Variants in NSUN6 observed in about 807,000 individuals in gnomAD.
NSUN6 encodes NOP2/Sun RNA methyltransferase 6, also known as tRNA (cytosine(72)-C(5))-methyltransferase NSUN6.
A neutral mutation model predicts 58.0 loss-of-function variants in NSUN6; 64 were observed. The ratio of observed to expected loss-of-function variants is 1.10; its 90% CI spans 0.90 to 1.36. The LOEUF is 1.36. NSUN6 is among the 40% of genes most tolerant of loss of function. The pLI, the probability that NSUN6 is intolerant of heterozygous loss-of-function variation, is 0.00. For missense variants in NSUN6, 701 were observed against 550.1 expected (o/e 1.27, Z -2.74); for synonymous variants, 231 against 193.9 (o/e 1.19, Z -1.59).
At chr10:18,600,470 A>T (rs4466722) in intron 6 of NSUN6, among the ~76,000 whole-genome samples, 2 of 152,152 alleles carry the variant, frequency 1.3e-5, no homozygotes, top group African/African-American at 2.4e-5. Context: ...ATAAAAAAAT[A>T]AAAAATTGGC....
At chr10:18,629,914 T>C (rs2058966476) in intron 3 of NSUN6, among the ~76,000 whole-genome samples, 1 of 150,336 alleles carries the variant, frequency 6.7e-6, no homozygotes, top group African/African-American at 2.5e-5. Flanking sequence ...CTAATAGACA[T>C]CTACAGAACT....
At chr10:18,616,537 GA>G (rs2058417972) in intron 3 of NSUN6, among the ~76,000 whole-genome samples, 1 of 152,196 alleles carries the variant, frequency 6.6e-6, no homozygotes. Flanking sequence ...AGTGGCACCA[GA>G]AATTGCTTAA....
intron 3 of NSUN6, among the ~76,000 whole-genome samples, chr10:18,620,674 G>T (rs1389020988): frequency 6.6e-6 from 1 of 152,242 alleles, no homozygotes. Flanking sequence ...AATAATATCT[G>T]CTTAGAGAAA....
intron 2 of NSUN6, among the ~76,000 whole-genome samples, chr10:18,647,039 CTTAT>C (rs756649958): frequency 1.2e-4 from 19 of 152,106 alleles, no homozygotes; most frequent in Non-Finnish European, 2.5e-4. Flanking sequence ...TTTAAAAAAT[CTTAT>C]TTAATTATTA....
upstream of NSUN6, among the ~76,000 whole-genome samples, chr10:18,653,656 A>C (rs1203307962): frequency 1.3e-5 from 2 of 152,230 alleles, no homozygotes; most frequent in East Asian, 3.8e-4. Context: ...TACAGGCGTG[A>C]GCCACCACAC....
At chr10:18,652,431 C>T (rs1235966057), upstream of NSUN6, 1 of 984,618 alleles carries the variant, frequency 1.0e-6, no homozygotes, top group Non-Finnish European at 1.2e-6. Context: ...ATTTTCACAC[C>T]GAATTATACA....
At chr10:18,656,334 C>G (rs1472021315), upstream of NSUN6, among the ~76,000 whole-genome samples, 1 of 152,150 alleles carries the variant, frequency 6.6e-6, no homozygotes, top group Non-Finnish European at 1.5e-5. Context: ...GTCAGGAGTT[C>G]AAGACCAGCC....
chr10:18,658,524 CAA>C (rs1379177269), upstream of NSUN6: 20 of 202,270 alleles, frequency 9.9e-5, no homozygotes, highest in South Asian at 1.4e-3. Flanking sequence ...GAATTGAAAA[CAA>C]TTACACAGCG....
At chr10:18,592,121 T>C (rs78864363) in intron 7 of NSUN6, among the ~76,000 whole-genome samples, 2 of 152,184 alleles carry the variant, frequency 1.3e-5, no homozygotes, top group South Asian at 2.1e-4. Flanking sequence ...CCATTCACAA[T>C]TGCTACAAAG....
At chr10:18,611,723 GGT>G (rs10579235) in intron 5 of NSUN6, among the ~76,000 whole-genome samples, 39,283 of 148,678 alleles carry the variant, frequency 0.26, 5,325 homozygotes, top group Middle Eastern at 0.38. Context: ...GTCTCACTAT[GGT>G]GTGTGTGTGT....
chr10:18,652,772 C>G, upstream of NSUN6: 1 of 456,634 alleles, frequency 2.2e-6, no homozygotes, highest in African/African-American at 2.1e-5. Context: ...GCTGGCCAGG[C>G]TGGTCTCAAA....
rs375302647 is a variant in NSUN6, at chr10:18,551,987, T to A, written c.923-16A>T. On this transcript the variant is annotated splice_polypyrimidine_tract_variant and intron_variant, in intron 8 of 10. Coordinates refer to ENST00000377304, the MANE Select transcript of NSUN6 (RefSeq NM_182543.5). Reference sequence around the variant, plus strand: ...GGAGGTTCTCCTATAAAGAGAATTATAATCATGTTTACTATCTTCCATATA... The same window carrying A: ...GGAGGTTCTCCTATAAAGAGAATTAAAATCATGTTTACTATCTTCCATATA... The A allele has an allele frequency of 1.9e-6, 3 of 1,542,562 alleles. No individual in the cohort carries two copies. Among genetic ancestry groups the A allele is most frequent in the African/African-American group, 2.7e-5 (2 of 73,330 alleles).
At chr10:18,587,878 G>GT (rs370440727) in intron 7 of NSUN6, among the ~76,000 whole-genome samples, 313 of 146,554 alleles carry the variant, frequency 2.1e-3, no homozygotes, top group Middle Eastern at 3.5e-3. Flanking sequence ...GCTAGCTGTA[G>GT]TTTTTTTTTT....
At chr10:18,557,706 AAATGGAATGGAG>A (rs1564712879) in intron 8 of NSUN6, among the ~76,000 whole-genome samples, 4 of 145,138 alleles carry the variant, frequency 2.8e-5, no homozygotes, top group African/African-American at 1.0e-4. Flanking sequence ...AAGCGGAATG[AAATGGAATGGAG>A]AATGGAATGG....
At chr10:18,562,931 G>T (rs1281753533) in intron 8 of NSUN6, among the ~76,000 whole-genome samples, 2 of 150,740 alleles carry the variant, frequency 1.3e-5, no homozygotes, top group Non-Finnish European at 3.0e-5. Flanking sequence ...AAGGAAGAAT[G>T]GAATGGAATG....
chr10:18,586,277 GT>G (rs1398903224), intron 7 of NSUN6, among the ~76,000 whole-genome samples, 184 bp from the exon 8 acceptor site: 1 of 152,124 alleles, frequency 6.6e-6, no homozygotes, highest in Non-Finnish European at 1.5e-5. Context: ...CTTCTGGTGG[GT>G]TCTTGGTCTC....
At chr10:18,653,211 T>C (rs1468188002), upstream of NSUN6, 5 of 984,824 alleles carry the variant, frequency 5.1e-6, no homozygotes, top group Middle Eastern at 5.2e-4. Context: ...CACACCACTA[T>C]GTACCCAAGC....
At chr10:18,651,836 G>T, upstream of NSUN6, 1 of 985,446 alleles carries the variant, frequency 1.0e-6, no homozygotes, top group Non-Finnish European at 1.2e-6. Flanking sequence ...TCCCGGTACC[G>T]GAGGGCTAGG....
At chr10:18,589,807 C>T (rs960322737) in intron 7 of NSUN6, among the ~76,000 whole-genome samples, 1 of 152,112 alleles carries the variant, frequency 6.6e-6, no homozygotes, top group Non-Finnish European at 1.5e-5. Flanking sequence ...CAAAAACACA[C>T]CAAAATATAA....
Sources: gnomAD v4.1 joint callset for allele counts (sites outside exome capture counted in the v4.1 genomes callset) on GRCh38, gnomAD v4.1.1 for gene constraint, MANE v1.5 for transcripts, NCBI Gene and HGNC (gene_info 2026-07-23, HGNC 2026-07-21) for gene names.